Variants in SALL3 observed in about 807,000 individuals in gnomAD.
SALL3 encodes spalt like transcription factor 3, also known as sal-like protein 3.
In SALL3, 25 loss-of-function variants were observed where a neutral mutation model predicts 66.2. The ratio of observed to expected loss-of-function variants is 0.38; its 90% CI spans 0.28 to 0.53. The LOEUF is 0.53. Among genes scored for constraint, SALL3 ranks in the 20% least tolerant of loss-of-function variants. The pLI is 0.85. For missense variants in SALL3, 2,194 were observed against 1,916.5 expected (o/e 1.14, Z -2.70); for synonymous variants, 1,152 against 899.1 (o/e 1.28, Z -5.03).
chr18:78,984,782 G>A (rs920625504), intron 1 of SALL3, among the ~76,000 whole-genome samples: 1 of 152,218 alleles, frequency 6.6e-6, no homozygotes, highest in Middle Eastern at 3.2e-3. Flanking sequence ...TTCTATGTTA[G>A]AGATGAAGAT....
At position 78,993,864 on chromosome 18, in the gene SALL3, G is replaced by C; in HGVS notation, c.1873G>C (p.Asp625His). ...AQASAAPTSVDGAPTSLGSPG... is the reference protein window; with the variant it reads ...AQASAAPTSVHGAPTSLGSPG... ...GGCTAGCGCTGCACCCACATCGGTG[G>C]ACGGCGCACCCACGAGCCTCGGCAG... The change falls in exon 2 of 3, where the codon GAC becomes CAC. Residue 625 changes from aspartate (D) to histidine (H), a missense_variant. Asp to His is a moderately conservative substitution (Grantham distance 81, BLOSUM62 -1). Coordinates refer to ENST00000537592, the MANE Select transcript of SALL3 (RefSeq NM_171999.4). The C allele has an allele frequency of 1.3e-6, 2 of 1,564,384 alleles. No homozygotes were observed.
chr18:78,981,013 C>A (rs1030167498), intron 1 of SALL3, among the ~76,000 whole-genome samples: 14 of 152,202 alleles, frequency 9.2e-5, no homozygotes, highest in Non-Finnish European at 1.9e-4. Flanking sequence ...GTTTCCGGGG[C>A]GTTCGTTGCA....
rs770207505 is a variant in SALL3, at chr18:78,992,521, C to T, written c.530C>T (p.Ala177Val). The change falls in exon 2 of 3, where the codon GCG (alanine) becomes GTG (valine). Residue 177 changes from alanine (A) to valine (V), a missense_variant. By Grantham distance (64) the Ala-to-Val change is moderately conservative. Coordinates refer to ENST00000537592, the MANE Select transcript of SALL3 (RefSeq NM_171999.4). ...TLEALLSTKV[A>V]VAQFSQGARA... ...GAGGCGCTGCTGAGCACCAAGGTGG[C>T]GGTGGCGCAGTTCTCGCAGGGCGCG... 7 of 1,486,274 alleles carry T rather than the reference C, an allele frequency of 4.7e-6. No individual in the cohort carries two copies. Among genetic ancestry groups the T allele is most frequent in the South Asian group, 2.5e-5 (2 of 80,978 alleles). 92.1% of individuals were successfully genotyped at this position (1,486,274 alleles called of 1,614,324 possible).
rs1264048516 is a variant in SALL3 at position 78,992,370 on chromosome 18, G to T, written c.379G>T (p.Val127Leu). 18 of 1,335,810 alleles carry T rather than the reference G, an allele frequency of 1.3e-5. No homozygotes were observed. The highest frequency in any genetic ancestry group is 1.7e-5 in the Non-Finnish European group (18 of 1,049,804). 82.7% of individuals were successfully genotyped at this position (1,335,810 alleles called of 1,614,324 possible). ...GGGCGCGGAGGGCGAGGCCAGGCCG[G>T]TGGAGAAGGAGGCCGAGCCCATGGA... Reference protein sequence around the residue: ...AEGAEGEARPVEKEAEPMDAE... With the variant: ...AEGAEGEARPLEKEAEPMDAE... The change falls in exon 2 of 3, where the codon GTG (valine) becomes TTG (leucine). Residue 127 changes from valine (V) to leucine (L), a missense_variant. By Grantham distance (32) the Val-to-Leu change is conservative. Coordinates refer to ENST00000537592, the MANE Select transcript of SALL3 (RefSeq NM_171999.4).
At position 78,997,042 on chromosome 18, in the gene SALL3, A is replaced by G; in HGVS notation, c.3623A>G (p.Asp1208Gly). ...CTGGCAGCTCGGGCAATGAACGTCG[A>G]CCCCAGTTTTTGGAACCAGTATGCT... ...KDLAARAMNV[D>G]PSFWNQYAAA... The change falls in exon 3 of 3, where the codon GAC becomes GGC. Residue 1208 changes from aspartate to glycine, a missense_variant. Transcript: ENST00000537592. 1 of 1,613,954 alleles carries G rather than the reference A, an allele frequency of 6.2e-7. No homozygotes were observed. Among genetic ancestry groups the G allele is most frequent in the Non-Finnish European group, 8.5e-7 (1 of 1,180,020 alleles).
Position 78,994,050 on chromosome 18 carries a change from G to T in SALL3, c.2059G>T (p.Val687Leu), listed in dbSNP as rs994118421. 1.2e-6 allele frequency: 2 copies of T among 1,612,716 alleles called. No homozygotes were observed. The highest frequency in any genetic ancestry group is 8.5e-7 in the Non-Finnish European group (1 of 1,179,964). Reference protein sequence around the residue: ...DPNQCVICHRVLSCQSALKMH... With the variant: ...DPNQCVICHRLLSCQSALKMH... ...GAACCAGTGCGTCATCTGCCACCGGGTGCTGAGCTGCCAGAGCGCGCTGAA... is the reference window on the plus strand; with the variant it reads ...GAACCAGTGCGTCATCTGCCACCGGTTGCTGAGCTGCCAGAGCGCGCTGAA... The change falls in exon 2 of 3, where the codon GTG becomes TTG. Residue 687 changes from valine (V) to leucine (L), a missense_variant. By Grantham distance (32) the Val-to-Leu change is conservative (BLOSUM62 1). Transcript: ENST00000537592.
rs187589702 is a variant in SALL3, at chr18:78,995,459, C to A, written c.3468C>A (p.Leu1156=). 1.4e-5 allele frequency: 22 copies of A among 1,557,470 alleles called. No individual in the cohort carries two copies. The highest frequency in any genetic ancestry group is 1.7e-6 in the Non-Finnish European group (2 of 1,159,256). Residue 1156 remains leucine, a synonymous_variant, in exon 2 of 3, where the codon CTC becomes CTA. Transcript: ENST00000537592. ...CGRAFTTKGN[L]KVHMGTHMWN... is the part of the protein sequence containing the mutation. ...GGGCCTTCACCACTAAGGGCAACCT[C>A]AAGGTAAGAGCATGGCAGGCTCCAG...
At chr18:78,980,583 T>G (rs888009818) in intron 1 of SALL3, among the ~76,000 whole-genome samples, 1 of 151,424 alleles carries the variant, frequency 6.6e-6, no homozygotes, top group Admixed American at 6.6e-5. Context: ...TTGGCTCCTC[T>G]CCTCGGAGTC....
intron 2 of SALL3, among the ~76,000 whole-genome samples, chr18:78,995,856 C>A (rs113677310): frequency 6.6e-6 from 1 of 152,082 alleles, no homozygotes; most frequent in African/African-American, 2.4e-5. Flanking sequence ...CCTGTTAATC[C>A]GCTGTGGGGG....
At position 78,992,133 on chromosome 18, in the gene SALL3, G is replaced by A. The variant is rs768653328; in HGVS notation, c.142G>A (p.Glu48Lys). ...DSGPESRSGG[E>K]ETSVCEKCCA... is the part of the protein sequence containing the mutation. ...CGGGCCCGAGAGCCGCAGCGGGGGCGAGGAGACCAGCGTGTGCGAGAAATG... is the reference window on the plus strand; with the variant it reads ...CGGGCCCGAGAGCCGCAGCGGGGGCAAGGAGACCAGCGTGTGCGAGAAATG... The change falls in exon 2 of 3, where the codon GAG becomes AAG. Residue 48 changes from glutamate to lysine, a missense_variant. Glu to Lys is a moderately conservative substitution (Grantham distance 56). Transcript: ENST00000537592. The A allele has an allele frequency of 9.4e-6, 15 of 1,604,006 alleles. 1 individual carries two copies. In the South Asian group the frequency reaches 1.7e-4, roughly 18 times the overall value.
Position 78,992,339 on chromosome 18 carries a change from T to TGCGGAGGGC in SALL3, c.359_367dup (p.Ala120_Gly122dup), listed in dbSNP as rs762089472. ...AAAGCGAGGCGGCCGAGGAGGCGGG[T>TGCGGAGGGC]GCGGAGGGCGCGGAGGGCGAGGCCA... On this transcript the variant is annotated inframe_insertion, in exon 2 of 3. Transcript: ENST00000537592. The TGCGGAGGGC allele has an allele frequency of 4.5e-5, 63 of 1,407,172 alleles. No individual in the cohort carries two copies. The highest frequency in any genetic ancestry group is 2.2e-4 in the Middle Eastern group (1 of 4,536). 87.2% of individuals were successfully genotyped at this position (1,407,172 alleles called of 1,614,324 possible). A position where few individuals can be genotyped will look rare whatever the true frequency, so the allele number is the denominator to read the frequency against.
At position 78,992,457 on chromosome 18, in the gene SALL3, A is replaced by C; in HGVS notation, c.466A>C (p.Thr156Pro). 2 of 1,432,870 alleles carry C rather than the reference A, an allele frequency of 1.4e-6. No homozygotes were observed. The highest frequency in any genetic ancestry group is 2.6e-5 in the South Asian group (2 of 76,150). 88.8% of individuals were successfully genotyped at this position (1,432,870 alleles called of 1,614,324 possible). ...CCCGCCTGCGGCCCCTGCACCCCCA[A>C]CGCCCGCCTACGGCGCGCCCAGCAC... Reference protein sequence around the residue: ...RPPPAAPAPPTPAYGAPSTNV... With the variant: ...RPPPAAPAPPPPAYGAPSTNV... The change falls in exon 2 of 3, where the codon ACG becomes CCG. Residue 156 changes from threonine (T) to proline (P), a missense_variant. Physicochemically the swap from Thr to Pro is conservative, Grantham distance 38. Transcript: ENST00000537592.
Position 78,994,070 on chromosome 18 carries a change from G to T in SALL3, c.2079G>T (p.Ala693=). 6.2e-7 allele frequency: 1 copy of T among 1,612,976 alleles called. No individual in the cohort carries two copies. The part of the protein sequence containing the change: ...ICHRVLSCQS[A]LKMHYRTHTG... Reference sequence around the variant, plus strand: ...ACCGGGTGCTGAGCTGCCAGAGCGCGCTGAAGATGCACTACCGGACGCACA... The same window carrying T: ...ACCGGGTGCTGAGCTGCCAGAGCGCTCTGAAGATGCACTACCGGACGCACA... The change falls in exon 2 of 3, where the codon GCG becomes GCT. Residue 693 remains alanine (A), a synonymous_variant. Transcript: ENST00000537592.
In SALL3 at chr18:78,994,172, C is replaced by G. The variant is rs767365502; in HGVS notation, c.2181C>G (p.Gly727=). ...AGGGCAACCTCAAGACGCACTTCGG[C>G]GTGCACCGTGCAAAGCCGCCCCTGC... ...TTKGNLKTHF[G]VHRAKPPLRV... is the part of the protein sequence containing the mutation. Residue 727 remains glycine, a synonymous_variant, in exon 2 of 3, where the codon GGC becomes GGG. Coordinates refer to ENST00000537592, the MANE Select transcript of SALL3 (RefSeq NM_171999.4). The G allele has an allele frequency of 1.2e-5, 19 of 1,613,092 alleles. No individual in the cohort carries two copies. In the South Asian group the frequency reaches 1.9e-4, roughly 16 times the overall value.
chr18:78,992,350 C>A lies in SALL3; in HGVS notation c.359C>A (p.Ala120Glu). The stretch of plus-strand genomic sequence containing the variant: ...GCCGAGGAGGCGGGTGCGGAGGGCG[C>A]GGAGGGCGAGGCCAGGCCGGTGGAG... The part of the protein sequence containing the change: ...EAAEEAGAEG[A>E]EGEARPVEKE... Residue 120 changes from alanine (A) to glutamate (E), a missense_variant, in exon 2 of 3, where the codon GCG becomes GAG. Ala to Glu is a moderately radical substitution (Grantham distance 107, BLOSUM62 -1). Coordinates refer to ENST00000537592, the MANE Select transcript of SALL3 (RefSeq NM_171999.4). 2 of 1,373,972 alleles carry A rather than the reference C, an allele frequency of 1.5e-6. No individual in the cohort carries two copies. The highest frequency in any genetic ancestry group is 1.6e-5 in the South Asian group (1 of 61,638). The allele number at this position is 1,373,972 out of a possible 1,614,324, so 85.1% of individuals were successfully genotyped here.
In SALL3 at chr18:78,992,782, T is replaced by A; in HGVS notation, c.791T>A (p.Leu264His). Residue 264 changes from leucine (L) to histidine (H), a missense_variant, in exon 2 of 3, where the codon CTC (leucine) becomes CAC (histidine). Coordinates refer to ENST00000537592, the MANE Select transcript of SALL3 (RefSeq NM_171999.4). The stretch of plus-strand genomic sequence containing the variant: ...AGCCAGCTGCCCGGGCTGGCCGCGC[T>A]CCCGCTGTCGGCCGGGGCCCCTGCC... ...APSQLPGLAA[L>H]PLSAGAPAAA... 1.0e-6 allele frequency: 1 copy of A among 1,000,126 alleles called. No individual in the cohort carries two copies. Among genetic ancestry groups the A allele is most frequent in the Non-Finnish European group, 1.2e-6 (1 of 841,438 alleles). 62.0% of individuals were successfully genotyped at this position (1,000,126 alleles called of 1,614,324 possible).
At chr18:78,991,792 A>G in intron 1 of SALL3, 1 of 388,866 alleles carries the variant, frequency 2.6e-6, no homozygotes, top group Non-Finnish European at 4.6e-6. Flanking sequence ...CTCAACAGAC[A>G]GGGTAGCCGC....
chr18:78,994,011 A>G lies in SALL3; in HGVS notation c.2020A>G (p.Lys674Glu), dbSNP rs139880781. ...LQQLVENIDKKMTDPNQCVIC... is the reference protein window; with the variant it reads ...LQQLVENIDKEMTDPNQCVIC... Reference sequence around the variant, plus strand: ...GCAGCTGGTGGAGAACATCGACAAGAAGATGACGGACCCGAACCAGTGCGT... The same window carrying G: ...GCAGCTGGTGGAGAACATCGACAAGGAGATGACGGACCCGAACCAGTGCGT... Residue 674 changes from lysine (K) to glutamate (E), a missense_variant, in exon 2 of 3, where the codon AAG becomes GAG. By Grantham distance (56) the Lys-to-Glu change is moderately conservative. Coordinates refer to ENST00000537592, the MANE Select transcript of SALL3 (RefSeq NM_171999.4). 1.2e-6 allele frequency: 2 copies of G among 1,612,542 alleles called. No individual in the cohort carries two copies. The highest frequency in any genetic ancestry group is 1.7e-6 in the Non-Finnish European group (2 of 1,179,822).
Position 78,997,449 on chromosome 18 carries a change from C to T in SALL3, c.*127C>T, listed in dbSNP as rs1017575382. The T allele has an allele frequency of 2.1e-5, 20 of 942,418 alleles. No homozygotes were observed. Among genetic ancestry groups the T allele is most frequent in the Admixed American group, 1.2e-4 (5 of 40,460 alleles). 58.4% of individuals were successfully genotyped at this position (942,418 alleles called of 1,614,324 possible). On this transcript the variant is annotated 3_prime_UTR_variant, in exon 3 of 3. Coordinates refer to ENST00000537592, the MANE Select transcript of SALL3 (RefSeq NM_171999.4). ...AGCAGAAAACACTTTGTGCGGCTGC[C>T]GAGAGGTGGTCTTGTAAGCGCTGCA...
Sources: allele counts gnomAD v4.1 joint callset (sites outside exome capture counted in the v4.1 genomes callset), GRCh38; gene constraint gnomAD v4.1.1; transcripts MANE v1.5; gene names NCBI Gene and HGNC (gene_info 2026-07-23, HGNC 2026-07-21).